The following CKMT2 variants were observed in gnomAD, a reference collection of about 807,000 sequenced individuals.
The protein encoded by CKMT2 is creatine kinase, mitochondrial 2.
CKMT2 carries 43 observed loss-of-function variants against 48.9 expected under a neutral mutation model. That is an observed-to-expected ratio of 0.88 (90% confidence interval 0.69 to 1.13). The LOEUF is 1.13. Ranked by LOEUF, CKMT2 falls within the 50% of genes most tolerant of loss-of-function variation. The pLI is 0.00. For synonymous variants in CKMT2, 206 were observed against 213.0 expected, an observed-to-expected ratio of 0.97 and a Z score of 0.29; for missense variants, 472 against 555.4, an observed-to-expected ratio of 0.85 and a Z score of 1.51.
In CKMT2 at chr5:81,266,310, A is replaced by G. The variant is rs1426051942; in HGVS notation, c.*52A>G. 1 of 1,577,478 alleles carries G rather than the reference A, an allele frequency of 6.3e-7. No individual in the cohort carries two copies. Among genetic ancestry groups the G allele is most frequent in the East Asian group, 2.2e-5 (1 of 44,476 alleles). On this transcript the variant is annotated 3_prime_UTR_variant, in exon 10 of 10. Coordinates refer to ENST00000254035, the MANE Select transcript of CKMT2 (RefSeq NM_001099735.2). ...ATCTGTCTGCTGGTACGACAGACAT[A>G]AATCTCTACTCTGAGAGTTTTTATA...
chr5:81,242,948 T>C (rs1242591512), intron 1 of CKMT2, among the ~76,000 whole-genome samples: 1 of 152,266 alleles, frequency 6.6e-6, no homozygotes, highest in Non-Finnish European at 1.5e-5. Flanking sequence ...ATCAAACATT[T>C]TGTGACTCTG....
chr5:81,234,753 G>C (rs574027192), intron 1 of CKMT2, among the ~76,000 whole-genome samples: 1 of 151,922 alleles, frequency 6.6e-6, no homozygotes, highest in Admixed American at 6.6e-5. Context: ...GGGTTGGGTC[G>C]GGGGGAGTAC....
chr5:81,237,021 C>T (rs545530915), intron 1 of CKMT2, among the ~76,000 whole-genome samples: 15 of 152,136 alleles, frequency 9.9e-5, no homozygotes, highest in East Asian at 3.9e-4. Flanking sequence ...TGGTGGTGGG[C>T]GCCTGTAATC....
chr5:81,240,308 A>G (rs930299471), intron 1 of CKMT2, among the ~76,000 whole-genome samples: 2 of 152,172 alleles, frequency 1.3e-5, no homozygotes, highest in African/African-American at 4.8e-5. Flanking sequence ...ACCCTGCTTA[A>G]GGGAAAACAC....
intron 1 of CKMT2, 77 bp from the exon 2 acceptor site, chr5:81,251,036 C>A (rs1203178037): frequency 1.8e-6 from 2 of 1,103,718 alleles, no homozygotes; most frequent in African/African-American, 3.1e-5. Context: ...TCCTGCAGTT[C>A]TCTTGCCCAT....
At chr5:81,254,600 G>A in intron 4 of CKMT2, 109 bp downstream of exon 4, 2 of 902,548 alleles carry the variant, frequency 2.2e-6, no homozygotes, top group South Asian at 2.9e-5. Flanking sequence ...CCCCTGGAAA[G>A]CACTGTGACT....
chr5:81,257,110 A>C, intron 6 of CKMT2, 110 bp downstream of exon 6: 1 of 767,366 alleles, frequency 1.3e-6, no homozygotes, highest in Admixed American at 2.6e-5. Flanking sequence ...GCATGCCCAG[A>C]CTGAGCTAAA....
At chr5:81,254,952 G>T (rs765258539) in intron 4 of CKMT2, 41 bp from the exon 5 acceptor site, 1 of 1,552,778 alleles carries the variant, frequency 6.4e-7, no homozygotes, top group Non-Finnish European at 8.9e-7. Flanking sequence ...CAGGACCATG[G>T]TCCGAGGCTG....
rs1388013990 is a variant in CKMT2 at position 81,263,211 on chromosome 5, A to G, written c.1015-280A>G. On this transcript the variant is annotated intron_variant, in intron 8 of 9. Transcript: ENST00000254035. The stretch of plus-strand genomic sequence containing the variant: ...TTTGGGGAGGGATAGCATTAGGAGA[A>G]ATACCTAAGGTTGATGATGGATTGA... Among the ~76,000 whole-genome samples, 12 of 152,072 alleles carry G rather than the reference A, an allele frequency of 7.9e-5. No individual in the cohort carries two copies. The South Asian group carries it at 2.1e-3, about 26-fold the overall frequency.
At chr5:81,257,283 G>A (rs989965002) in intron 6 of CKMT2, among the ~76,000 whole-genome samples, 1 of 152,104 alleles carries the variant, frequency 6.6e-6, no homozygotes, top group Admixed American at 6.5e-5. Flanking sequence ...ATGTGCAGCT[G>A]CTCTGTAGGG....
rs376052246 is a variant in CKMT2, at chr5:81,263,443, A to C, written c.1015-48A>C. The C allele has an allele frequency of 5.5e-6, 8 of 1,443,238 alleles. No individual in the cohort carries two copies. In the African/African-American group the frequency reaches 9.9e-5, roughly 18 times the overall value. The allele number at this position is 1,443,238 out of a possible 1,614,324, so 89.4% of individuals were successfully genotyped here. ...GTCAGTAAACGCACCAATGATTATG[A>C]ATCAATTTTGCCTCTTAGCACATTT... On this transcript the variant is annotated intron_variant, in intron 8 of 9. Transcript: ENST00000254035.
chr5:81,234,697 A>G (rs1756200044), intron 1 of CKMT2, among the ~76,000 whole-genome samples: 1 of 152,108 alleles, frequency 6.6e-6, no homozygotes, highest in African/African-American at 2.4e-5. Context: ...AAATCATATC[A>G]TTAGGAAATG....
chr5:81,255,175 G>T lies in CKMT2; in HGVS notation c.630G>T (p.Leu210=), dbSNP rs760589728. Residue 210 remains leucine, a synonymous_variant, in exon 5 of 10, where the codon CTG becomes CTT. Transcript: ENST00000254035. ...ACCTGGCTGGCCGCTACTACAAGCT[G>T]TCCGAGATGACGGAGCAGGACCAGC... ...KGDLAGRYYK[L]SEMTEQDQQR... 1 of 1,614,094 alleles carries T rather than the reference G, an allele frequency of 6.2e-7. No homozygotes were observed. The highest frequency in any genetic ancestry group is 8.5e-7 in the Non-Finnish European group (1 of 1,180,040).
chr5:81,260,440 C>T (rs572634646), intron 8 of CKMT2, among the ~76,000 whole-genome samples: 40 of 152,196 alleles, frequency 2.6e-4, no homozygotes, highest in Admixed American at 1.5e-3. Flanking sequence ...AATCCAGGAG[C>T]GGGTTTTTTG....
At chr5:81,255,257 G>T in intron 5 of CKMT2, 43 bp downstream of exon 5, 1 of 1,568,026 alleles carries the variant, frequency 6.4e-7, no homozygotes, top group Non-Finnish European at 8.8e-7. Context: ...CTGGACCAAG[G>T]GCTCTGACCC....
chr5:81,261,556 A>C lies in CKMT2; in HGVS notation c.1015-1935A>C, dbSNP rs867826599. Among the ~76,000 whole-genome samples the C allele has an allele frequency of 9.9e-5, 15 of 151,196 alleles. 1 individual carries two copies. In the South Asian group the frequency reaches 3.1e-3, roughly 32 times the overall value. On this transcript the variant is annotated intron_variant, in intron 8 of 9. Coordinates refer to ENST00000254035, the MANE Select transcript of CKMT2 (RefSeq NM_001099735.2). Reference sequence around the variant, plus strand: ...ATCACAAGCATTCCTATACACCAATAGACAAACAGAGCCAAATCATGAATG... The same window carrying C: ...ATCACAAGCATTCCTATACACCAATCGACAAACAGAGCCAAATCATGAATG...
chr5:81,254,440 C>A lies in CKMT2; in HGVS notation c.396C>A (p.Asn132Lys), dbSNP rs753858798. The change falls in exon 4 of 10, where the codon AAC becomes AAA. Residue 132 changes from asparagine to lysine, a missense_variant. By Grantham distance (94) the Asn-to-Lys change is moderately conservative. Coordinates refer to ENST00000254035, the MANE Select transcript of CKMT2 (RefSeq NM_001099735.2). ...ACCCCGTCATCAAACTAAGACACAACGGCTATGACCCCAGGGTGATGAAGC... is the reference window on the plus strand; with the variant it reads ...ACCCCGTCATCAAACTAAGACACAAAGGCTATGACCCCAGGGTGATGAAGC... ...LFDPVIKLRH[N>K]GYDPRVMKHT... 1.9e-6 allele frequency: 3 copies of A among 1,614,148 alleles called. No homozygotes were observed. Among genetic ancestry groups the A allele is most frequent in the Non-Finnish European group, 2.5e-6 (3 of 1,179,990 alleles).
Position 81,246,576 on chromosome 5 carries a change from T to C in CKMT2, c.-20-4537T>C, listed in dbSNP as rs117624750. 9.4e-4 allele frequency among the ~76,000 whole-genome samples: 143 copies of C among 152,344 alleles called. 1 individual carries two copies. In the East Asian group the frequency reaches 0.016, roughly 17 times the overall value. ...GAAGCCCCCACAGGAGAGAACTGTT[T>C]CTTTTGCTCACTTTCATATCATTAT... On this transcript the variant is annotated intron_variant, in intron 1 of 9. Coordinates refer to ENST00000254035, the MANE Select transcript of CKMT2 (RefSeq NM_001099735.2).
chr5:81,254,574 C>T (rs965661387), intron 4 of CKMT2, 83 bp downstream of exon 4: 17 of 1,200,346 alleles, frequency 1.4e-5, no homozygotes, highest in African/African-American at 4.5e-5. Flanking sequence ...AGGGGTTCCC[C>T]GCTGTAAGTC....
Sources: allele counts gnomAD v4.1 joint callset (sites outside exome capture counted in the v4.1 genomes callset), GRCh38; gene constraint gnomAD v4.1.1; transcripts MANE v1.5; gene names NCBI Gene and HGNC (gene_info 2026-07-23, HGNC 2026-07-21).